Variants in ROBO2 observed in about 807,000 individuals in gnomAD.
ROBO2 encodes roundabout homolog 2.
In ROBO2, 53 loss-of-function variants were observed where a neutral mutation model predicts 160.8. The ratio of observed to expected loss-of-function variants is 0.33; its 90% confidence interval spans 0.26 to 0.41. ROBO2 has a LOEUF of 0.41. Among genes scored for constraint, ROBO2 ranks in the 10% least tolerant of loss-of-function variants. ROBO2 has a pLI of 1.00. For synonymous variants in ROBO2, 664 were observed against 611.7 expected, an observed-to-expected ratio of 1.09 and a Z score of -1.26; for missense variants, 1,577 against 1,722.4, an observed-to-expected ratio of 0.92 and a Z score of 1.49.
At chr3:77,364,772 T>C (rs989986415) in intron 2 of ROBO2, among the ~76,000 whole-genome samples, 1 of 152,206 alleles carries the variant, frequency 6.6e-6, no homozygotes, top group African/African-American at 2.4e-5. Flanking sequence ...GAAAACTTTC[T>C]CTGTCCCAAC....
chr3:76,028,746 C>T (rs1279940407), intron 2 of ROBO2, among the ~76,000 whole-genome samples: 1 of 151,916 alleles, frequency 6.6e-6, no homozygotes, highest in African/African-American at 2.4e-5. Context: ...CATTACCTGT[C>T]AAAACCATGA....
At chr3:76,541,755 G>A (rs1011168241) in intron 2 of ROBO2, among the ~76,000 whole-genome samples, 3 of 152,138 alleles carry the variant, frequency 2.0e-5, no homozygotes, top group African/African-American at 7.2e-5. Flanking sequence ...AGAAACTAGG[G>A]GTTCTACCTC....
chr3:76,541,907 T>C (rs2082839413), intron 2 of ROBO2, among the ~76,000 whole-genome samples: 1 of 152,194 alleles, frequency 6.6e-6, no homozygotes, highest in African/African-American at 2.4e-5. Context: ...TCCCAGGGGA[T>C]TACTTTCCCA....
chr3:76,458,762 G>A (rs2077921262), intron 2 of ROBO2, among the ~76,000 whole-genome samples: 1 of 150,582 alleles, frequency 6.6e-6, no homozygotes, highest in Admixed American at 6.8e-5. Context: ...ACATGGCTGA[G>A]GCAAGAGAAA....
At chr3:77,411,994 A>G (rs1052960432) in intron 2 of ROBO2, among the ~76,000 whole-genome samples, 6 of 152,180 alleles carry the variant, frequency 3.9e-5, no homozygotes, top group Admixed American at 1.3e-4. Context: ...TTAGTTGGCT[A>G]TTAGAAAAAC....
At chr3:77,507,874 G>A (rs12635281) in intron 5 of ROBO2, among the ~76,000 whole-genome samples, 5 of 151,840 alleles carry the variant, frequency 3.3e-5, no homozygotes, top group Admixed American at 6.6e-5. Context: ...AATAATACCT[G>A]CAATATTTTT....
chr3:76,679,188 C>T (rs149584490), intron 2 of ROBO2, among the ~76,000 whole-genome samples: 1 of 152,006 alleles, frequency 6.6e-6, no homozygotes. Context: ...TAAATAACAC[C>T]CTCATTTTTT....
At chr3:77,598,867 A>G (rs998537779) in intron 19 of ROBO2, among the ~76,000 whole-genome samples, 1 of 152,186 alleles carries the variant, frequency 6.6e-6, no homozygotes, top group Non-Finnish European at 1.5e-5. Context: ...CAATGAAGGA[A>G]TAGCTGACTC....
At chr3:77,159,759 G>A (rs1016574799) in intron 2 of ROBO2, among the ~76,000 whole-genome samples, 1 of 152,098 alleles carries the variant, frequency 6.6e-6, no homozygotes, top group African/African-American at 2.4e-5. Flanking sequence ...AATTATAAAA[G>A]TGTGTAAGTT....
At chr3:76,394,892 C>G in intron 2 of ROBO2, among the ~76,000 whole-genome samples, 1 of 152,048 alleles carries the variant, frequency 6.6e-6, no homozygotes, top group South Asian at 2.1e-4. Flanking sequence ...ATTTAACACC[C>G]CACTGTCAAC....
intron 2 of ROBO2, among the ~76,000 whole-genome samples, chr3:76,234,758 A>G (rs1704837279): frequency 6.6e-6 from 1 of 152,170 alleles, no homozygotes; most frequent in Admixed American, 6.5e-5. Flanking sequence ...TTGTCCTGCT[A>G]AGTTTTGAAC....
chr3:76,450,137 C>T (rs1419517030), intron 2 of ROBO2, among the ~76,000 whole-genome samples: 1 of 151,948 alleles, frequency 6.6e-6, no homozygotes, highest in Non-Finnish European at 1.5e-5. Context: ...TATTCTTAGC[C>T]CTGTGGTTTT....
At chr3:77,483,219 C>G (rs889338105) in intron 4 of ROBO2, among the ~76,000 whole-genome samples, 1 of 151,994 alleles carries the variant, frequency 6.6e-6, no homozygotes, top group Non-Finnish European at 1.5e-5. Context: ...GAAGGAAAAA[C>G]TAGCTTTCCA....
intron 2 of ROBO2, among the ~76,000 whole-genome samples, chr3:77,294,385 G>A (rs9843002): frequency 0.039 from 882 of 22,726 alleles, 1 homozygote; most frequent in South Asian, 0.09. Flanking sequence ...CTGAGGCTAG[G>A]TCACCAAAGA....
chr3:76,242,024 C>T (rs993103255), intron 2 of ROBO2, among the ~76,000 whole-genome samples: 1 of 152,192 alleles, frequency 6.6e-6, no homozygotes, highest in African/African-American at 2.4e-5. Flanking sequence ...CTGATTACCA[C>T]TCTGAAATAT....
Position 77,268,645 on chromosome 3 carries a change from C to T in ROBO2, c.388+170305C>T, listed in dbSNP as rs2059288704. On this transcript the variant is annotated intron_variant, in intron 2 of 25. Transcript: ENST00000461745. The stretch of plus-strand genomic sequence containing the variant: ...TTTCTCTAATATTAGGAATACCAGT[C>T]AGTTGCCTTATGCTTATTCCCATCA... 2.0e-5 allele frequency among the ~76,000 whole-genome samples: 3 copies of T among 152,184 alleles called. No individual in the cohort carries two copies. The South Asian group carries it at 6.2e-4, about 32-fold the overall frequency.
At chr3:77,361,216 C>G (rs552593082) in intron 2 of ROBO2, among the ~76,000 whole-genome samples, 63 of 152,194 alleles carry the variant, frequency 4.1e-4, no homozygotes, top group African/African-American at 1.5e-3. Context: ...AGTTTTGTTC[C>G]AGTTAAATTT....
rs187053810 is a variant in ROBO2 at position 77,452,451 on chromosome 3, C to T, written c.389-24963C>T. ...TTTGTGTCAACCTTTATAGTGAATA[C>T]GAAAAGCATGCTTATAAGTGCAGCA... On this transcript the variant is annotated intron_variant, in intron 2 of 25. Coordinates refer to ENST00000461745, the Ensembl canonical transcript of ROBO2. 7.2e-5 allele frequency among the ~76,000 whole-genome samples: 11 copies of T among 152,244 alleles called. No individual in the cohort carries two copies. In the East Asian group the frequency reaches 7.7e-4, roughly 11 times the overall value.
intron 2 of ROBO2, among the ~76,000 whole-genome samples, chr3:76,676,838 A>G (rs184326551): frequency 3.2e-4 from 49 of 151,990 alleles, no homozygotes; most frequent in Admixed American, 2.6e-3. Flanking sequence ...GCCACTTCAA[A>G]CTTCTTCTGT....
Sources: allele counts gnomAD v4.1 joint callset (sites outside exome capture counted in the v4.1 genomes callset), GRCh38; gene constraint gnomAD v4.1.1; transcripts MANE v1.5; gene names NCBI Gene and HGNC (gene_info 2026-07-23, HGNC 2026-07-21).